The following CALCOCO1 variants were observed in gnomAD, a reference collection of about 807,000 sequenced individuals.
CALCOCO1 encodes calcium-binding and coiled-coil domain-containing protein 1.
Under a neutral mutation model 86.3 loss-of-function variants are expected in CALCOCO1, and 44 were observed. The ratio of observed to expected loss-of-function variants is 0.51; its 90% CI spans 0.40 to 0.66. CALCOCO1 has a LOEUF of 0.66. Ranked by LOEUF, CALCOCO1 falls within the 30% of genes least tolerant of loss-of-function variation. The pLI, the probability that CALCOCO1 is intolerant of heterozygous loss-of-function variation, is 0.00. For missense variants in CALCOCO1, 708 were observed against 851.1 expected (o/e 0.83, Z 2.09); for synonymous variants, 297 against 327.6 (o/e 0.91, Z 1.01).
intron 4 of CALCOCO1, chr12:53,723,081 A>G (rs1328960818): frequency 2.8e-6 from 1 of 351,618 alleles, no homozygotes; most frequent in Non-Finnish European, 5.5e-6. Context: ...AAAAATACTA[A>G]GTCTTCAAAA....
intron 1 of CALCOCO1, among the ~76,000 whole-genome samples, chr12:53,725,506 C>A (rs965517403): frequency 2.6e-5 from 4 of 152,224 alleles, no homozygotes; most frequent in African/African-American, 9.6e-5. Flanking sequence ...GGCTCATAGA[C>A]CCTTCTGAGG....
At chr12:53,721,832 T>A in intron 5 of CALCOCO1, 193 bp downstream of exon 5, 1 of 795,242 alleles carries the variant, frequency 1.3e-6, no homozygotes, top group Non-Finnish European at 2.0e-6. Flanking sequence ...GAACTGAGTC[T>A]CATTACACGT....
At chr12:53,721,035 C>T (rs1079269) in intron 6 of CALCOCO1, among the ~76,000 whole-genome samples, 23,603 of 152,134 alleles carry the variant, frequency 0.16, 1,939 homozygotes, top group East Asian at 0.32. Context: ...TTATGATTTG[C>T]ATCTTTTTTT....
chr12:53,713,527 G>A (rs57457705), intron 13 of CALCOCO1, among the ~76,000 whole-genome samples, 174 bp downstream of exon 13: 21,591 of 152,128 alleles, frequency 0.14, 1,691 homozygotes, highest in South Asian at 0.22. Context: ...CTAATTAGCC[G>A]GGGGTGCCTG....
rs780434921 is a variant in CALCOCO1, at chr12:53,714,202, C to G, written c.1522G>C (p.Glu508Gln). Reference protein sequence around the residue: ...EYMRKLEARLEKVADEKWNED... With the variant: ...EYMRKLEARLQKVADEKWNED... ...TTCCACTTCTCATCTGCCACCTTCT[C>G]CAGGCGGGCCTCTAGCTTTCTCATG... Residue 508 changes from glutamate (E) to glutamine (Q), a missense_variant, in exon 12 of 15, where the codon GAG (glutamate) becomes CAG (glutamine). Transcript: ENST00000550804. 1.2e-6 allele frequency: 2 copies of G among 1,613,730 alleles called. No homozygotes were observed. The highest frequency in any genetic ancestry group is 1.7e-6 in the Non-Finnish European group (2 of 1,179,944).
intron 7 of CALCOCO1, among the ~76,000 whole-genome samples, chr12:53,717,956 C>T (rs889534963): frequency 6.6e-6 from 1 of 152,154 alleles, no homozygotes; most frequent in Non-Finnish European, 1.5e-5. Flanking sequence ...ACCCGGAAGG[C>T]AGAAGTTGCA....
Position 53,711,083 on chromosome 12 carries a change from C to T in CALCOCO1, c.*861G>A. On this transcript the variant is annotated 3_prime_UTR_variant, in exon 15 of 15. Transcript: ENST00000550804. ...GTCTGGGCCCTGTGTTCCAGTCACACCTCATGATAAGAACACATTTTGTGA... is the reference window on the plus strand; with the variant it reads ...GTCTGGGCCCTGTGTTCCAGTCACATCTCATGATAAGAACACATTTTGTGA... The T allele has an allele frequency of 2.6e-6, 1 of 385,880 alleles. No homozygotes were observed. Among genetic ancestry groups the T allele is most frequent in the Admixed American group, 4.5e-5 (1 of 22,276 alleles). The allele number at this position is 385,880 out of a possible 1,614,324, so 23.9% of individuals were successfully genotyped here.
chr12:53,725,163 T>C lies in CALCOCO1; in HGVS notation c.80A>G (p.Asn27Ser), dbSNP rs535194693. The change falls in exon 2 of 15, where the codon AAC becomes AGC. Residue 27 changes from asparagine to serine, a missense_variant. Physicochemically the swap from Asn to Ser is conservative, Grantham distance 46 (BLOSUM62 1). Coordinates refer to ENST00000550804, the MANE Select transcript of CALCOCO1 (RefSeq NM_020898.3). ...GGTGTAGTGACATTCCACCTTGGTG[T>C]TGGGGATGTAGGTCCGGGCTACATT... Reference protein sequence around the residue: ...FLNVARTYIPNTKVECHYTLP... With the variant: ...FLNVARTYIPSTKVECHYTLP... 6.2e-6 allele frequency: 10 copies of C among 1,613,340 alleles called. No individual in the cohort carries two copies. Among genetic ancestry groups the C allele is most frequent in the Non-Finnish European group, 8.5e-6 (10 of 1,179,698 alleles).
chr12:53,721,376 A>C, intron 6 of CALCOCO1, 91 bp downstream of exon 6: 2 of 1,179,066 alleles, frequency 1.7e-6, no homozygotes, highest in Non-Finnish European at 2.4e-6. Context: ...CGTGTGAGGC[A>C]GACAGCAGGT....
intron 7 of CALCOCO1, among the ~76,000 whole-genome samples, chr12:53,719,236 T>C (rs1345717274): frequency 6.6e-6 from 1 of 151,734 alleles, no homozygotes. Flanking sequence ...TTATTAGATT[T>C]CTCTTGAGGC....
rs759891345 is a variant in CALCOCO1, at chr12:53,721,457, C to T, written c.758+10G>A. On this transcript the variant is annotated intron_variant, in intron 6 of 14. Coordinates refer to ENST00000550804, the MANE Select transcript of CALCOCO1 (RefSeq NM_020898.3). The stretch of plus-strand genomic sequence containing the variant: ...GAGAGGAAGTGACGGGGTCAGTGGA[C>T]TCCCCTCACCTGTCCAGCTCCACTT... 3.8e-6 allele frequency: 6 copies of T among 1,587,014 alleles called. No individual in the cohort carries two copies. The highest frequency in any genetic ancestry group is 2.7e-5 in the African/African-American group (2 of 73,204).
intron 10 of CALCOCO1, 99 bp from the exon 11 acceptor site, chr12:53,714,792 A>G (rs1016223971): frequency 5.1e-6 from 4 of 781,688 alleles, no homozygotes; most frequent in African/African-American, 1.7e-5. Flanking sequence ...AGGTCTCCCC[A>G]TGCCTCTGCT....
Position 53,721,565 on chromosome 12 carries a change from G to T in CALCOCO1, c.660C>A (p.Ser220Arg). The T allele has an allele frequency of 5.0e-6, 8 of 1,613,700 alleles. No individual in the cohort carries two copies. Among genetic ancestry groups the T allele is most frequent in the Non-Finnish European group, 6.8e-6 (8 of 1,179,874 alleles). Residue 220 changes from serine (S) to arginine (R), a missense_variant, in exon 6 of 15, where the codon AGC becomes AGA. Coordinates refer to ENST00000550804, the MANE Select transcript of CALCOCO1 (RefSeq NM_020898.3). ...GTGCCACATGGTCTCCCTGTTGCCG[G>T]CTCAGGATGTCCCTCTCTTCTGTGA... Reference protein sequence around the residue: ...GEITEERDILSRQQGDHVARI... With the variant: ...GEITEERDILRRQQGDHVARI...
At position 53,708,901 on chromosome 12, in the gene CALCOCO1, C is replaced by G. The variant is rs1275360464; in HGVS notation, c.*3043G>C. The stretch of plus-strand genomic sequence containing the variant: ...GTTTTTGTGGAATGGTTCTGTTATA[C>G]TGGAGTACAGGGTTCCTTAGGGTAG... On this transcript the variant is annotated 3_prime_UTR_variant, in exon 15 of 15. Coordinates refer to ENST00000550804, the MANE Select transcript of CALCOCO1 (RefSeq NM_020898.3). 6.6e-6 allele frequency: 1 copy of G among 152,216 alleles called. No homozygotes were observed. The highest frequency in any genetic ancestry group is 2.4e-5 in the African/African-American group (1 of 41,434). 9.4% of individuals were successfully genotyped at this position (152,216 alleles called of 1,614,324 possible).
At chr12:53,712,328 C>T (rs1406812082) in intron 14 of CALCOCO1, 14 of 550,858 alleles carry the variant, frequency 2.5e-5, no homozygotes, top group Admixed American at 1.0e-4. Context: ...TTCTTTAGTC[C>T]CTGCTGGTCT....
In CALCOCO1 at chr12:53,710,117, A is replaced by G. The variant is rs1009823310; in HGVS notation, c.*1827T>C. 2.6e-5 allele frequency: 4 copies of G among 152,334 alleles called. No individual in the cohort carries two copies. Among genetic ancestry groups the G allele is most frequent in the Non-Finnish European group, 4.4e-5 (3 of 68,036 alleles). 9.4% of individuals were successfully genotyped at this position (152,334 alleles called of 1,614,324 possible). ...TCTTAATACGGGAAGCAATAAAGGA[A>G]GAGAGGGATTCTATTAATTAAATCA... On this transcript the variant is annotated 3_prime_UTR_variant, in exon 15 of 15. Transcript: ENST00000550804.
In CALCOCO1 at chr12:53,714,164, G is replaced by C. The variant is rs1945662085; in HGVS notation, c.1560C>G (p.Thr520=). The change falls in exon 12 of 15, where the codon ACC becomes ACG. Residue 520 remains threonine, a synonymous_variant. Transcript: ENST00000550804. ...CCACAGCGGCCTCCTCATCCTCTGT[G>C]GTGGCATCCTCATTCCACTTCTCAT... ...VADEKWNEDA[T]TEDEEAAVGL... is the part of the protein sequence containing the mutation. The C allele has an allele frequency of 2.5e-6, 4 of 1,613,150 alleles. No individual in the cohort carries two copies. Among genetic ancestry groups the C allele is most frequent in the Non-Finnish European group, 3.4e-6 (4 of 1,179,858 alleles).
At chr12:53,713,449 G>A (rs2120547072) in intron 13 of CALCOCO1, among the ~76,000 whole-genome samples, 1 of 152,298 alleles carries the variant, frequency 6.6e-6, no homozygotes, top group East Asian at 1.9e-4. Flanking sequence ...GTGTGGCACT[G>A]AAGAGAGGCT....
At position 53,714,235 on chromosome 12, in the gene CALCOCO1, G is replaced by A. The variant is rs773422191; in HGVS notation, c.1489C>T (p.Leu497=). ...EQLQEEKQEL[L]EYMRKLEARL... ...GCCTCTAGCTTTCTCATGTACTCTAGCAATTCCTGGAATTGGGAAGGAAAA... is the reference window on the plus strand; with the variant it reads ...GCCTCTAGCTTTCTCATGTACTCTAACAATTCCTGGAATTGGGAAGGAAAA... Residue 497 remains leucine, a synonymous_variant, in exon 12 of 15, where the codon CTA becomes TTA. Coordinates refer to ENST00000550804, the MANE Select transcript of CALCOCO1 (RefSeq NM_020898.3). The A allele has an allele frequency of 6.2e-7, 1 of 1,612,116 alleles. No individual in the cohort carries two copies. Among genetic ancestry groups the A allele is most frequent in the Non-Finnish European group, 8.5e-7 (1 of 1,178,692 alleles).
Sources: allele counts gnomAD v4.1 joint callset (sites outside exome capture counted in the v4.1 genomes callset), GRCh38; gene constraint gnomAD v4.1.1; transcripts MANE v1.5; gene names NCBI Gene and HGNC (gene_info 2026-07-23, HGNC 2026-07-21).